TRRAP: variants seen among roughly 807,000 people sequenced by gnomAD.
TRRAP encodes transformation/transcription domain associated protein.
Under a neutral mutation model 438.8 loss-of-function variants are expected in TRRAP, and 41 were observed. The ratio of observed to expected loss-of-function variants is 0.09; its 90% CI spans 0.07 to 0.12. The LOEUF is 0.12. Ranked by LOEUF, TRRAP falls within the 10% of genes least tolerant of loss-of-function variation. The pLI, the probability that TRRAP is intolerant of heterozygous loss-of-function variation, is 1.00. For synonymous variants in TRRAP, 1,994 were observed against 1,962.9 expected (o/e 1.02, Z -0.42); for missense variants, 3,122 against 5,055.1 (o/e 0.62, Z 11.60).
chr7:98,981,687 A>G lies in TRRAP; in HGVS notation c.8635-82A>G, dbSNP rs919908832. ...GCCTTGCATACCTAGTGACCAAAAA[A>G]AGTGATCTTTTTCCTGTTTGACACT... On this transcript the variant is annotated intron_variant, in intron 58 of 72. Coordinates refer to ENST00000456197, the MANE Select transcript of TRRAP (RefSeq NM_001375524.1). The G allele has an allele frequency of 9.0e-6, 13 of 1,449,120 alleles. No homozygotes were observed. The African/African-American group carries it at 1.8e-4, about 20-fold the overall frequency. The allele number at this position is 1,449,120 out of a possible 1,614,324, so 89.8% of individuals were successfully genotyped here.
At chr7:98,911,879 AT>A (rs1789294092) in intron 17 of TRRAP, 142 bp from the exon 18 acceptor site, 3 of 704,784 alleles carry the variant, frequency 4.3e-6, no homozygotes, top group South Asian at 4.1e-5. Flanking sequence ...AACCCGTTTC[AT>A]TTTTTTCCTT....
intron 51 of TRRAP, 111 bp from the exon 52 acceptor site, chr7:98,970,001 G>T: frequency 7.6e-7 from 1 of 1,315,340 alleles, no homozygotes; most frequent in Non-Finnish European, 1.1e-6. Context: ...GCTCATACTT[G>T]GACCTGCAGA....
chr7:98,922,198 A>T (rs1179191477), intron 21 of TRRAP, among the ~76,000 whole-genome samples: 1 of 152,058 alleles, frequency 6.6e-6, no homozygotes, highest in Non-Finnish European at 1.5e-5. Context: ...ATGCCAGCCC[A>T]TCCCGCCGTG....
intron 20 of TRRAP, among the ~76,000 whole-genome samples, chr7:98,918,932 CT>C (rs1258459058): frequency 2.2e-4 from 33 of 150,728 alleles, no homozygotes; most frequent in Non-Finnish European, 4.3e-4. Flanking sequence ...AGCAAGCCCC[CT>C]GTAATCCCAG....
In TRRAP at chr7:98,956,583, G is replaced by A; in HGVS notation, c.6231+50G>A. 6.3e-7 allele frequency: 1 copy of A among 1,585,166 alleles called. No homozygotes were observed. Among genetic ancestry groups the A allele is most frequent in the Non-Finnish European group, 8.6e-7 (1 of 1,168,576 alleles). ...GTGCTGCGCATTCTGCTGGGAGTTG[G>A]TTCGTTTATTCCCTATATTTAGAAT... On this transcript the variant is annotated intron_variant, in intron 43 of 72. Coordinates refer to ENST00000456197, the MANE Select transcript of TRRAP (RefSeq NM_001375524.1). This position sits in a 1 kb window ranked among gnomAD's most constrained non-coding sequence, Gnocchi z 4.5.
chr7:98,948,159 G>GTCAC lies in TRRAP; in HGVS notation c.4549-61_4549-60insCACT. On this transcript the variant is annotated intron_variant, in intron 33 of 72. Transcript: ENST00000456197. This position sits in a 1 kb window ranked among gnomAD's most constrained non-coding sequence, Gnocchi z 4.9. The stretch of plus-strand genomic sequence containing the variant: ...AGACTATAGTAGGGTCTGTAGTGAC[G>GTCAC]TTGACCTCTGTCACTTGCAAAATTA... 1.2e-6 allele frequency: 2 copies of GTCAC among 1,605,712 alleles called. No individual in the cohort carries two copies. Among genetic ancestry groups the GTCAC allele is most frequent in the Admixed American group, 1.7e-5 (1 of 59,978 alleles).
At chr7:98,902,227 T>C (rs73155612) in intron 11 of TRRAP, among the ~76,000 whole-genome samples, 4,166 of 152,342 alleles carry the variant, frequency 0.027, 83 homozygotes, top group South Asian at 0.054. Flanking sequence ...TCAGTAAAAC[T>C]GATGAAGAAG....
chr7:98,911,032 G>A, intron 16 of TRRAP, 45 bp from the exon 17 acceptor site: 1 of 1,555,788 alleles, frequency 6.4e-7, no homozygotes, highest in Non-Finnish European at 8.8e-7. Flanking sequence ...TATTCAGAGA[G>A]GTTCAGTTTT....
At chr7:98,905,980 G>T (rs1432297408) in intron 12 of TRRAP, among the ~76,000 whole-genome samples, 197 bp from the exon 13 acceptor site, 3 of 152,202 alleles carry the variant, frequency 2.0e-5, no homozygotes, top group Admixed American at 6.5e-5. Context: ...TTGACAGCAG[G>T]TGGCTGGTGT....
intron 45 of TRRAP, 125 bp from the exon 46 acceptor site, chr7:98,961,136 T>A (rs1791873726): frequency 1.3e-6 from 1 of 793,414 alleles, no homozygotes; most frequent in Non-Finnish European, 2.1e-6. Context: ...CATTCTCTAG[T>A]GGTTTTTTTT....
intron 9 of TRRAP, 30 bp from the exon 10 acceptor site, chr7:98,899,649 T>C (rs1554406323): frequency 5.6e-6 from 9 of 1,612,982 alleles, no homozygotes; most frequent in Middle Eastern, 1.7e-4. Flanking sequence ...AGAGTGTCAA[T>C]GTATGAAAAT....
intron 15 of TRRAP, 27 bp downstream of exon 15, chr7:98,910,446 CA>C: frequency 6.2e-7 from 1 of 1,612,268 alleles, no homozygotes; most frequent in African/African-American, 1.3e-5. Context: ...GTTATGTAGA[CA>C]AACAATAGTT....
At chr7:98,919,314 G>T (rs1395514829) in intron 20 of TRRAP, among the ~76,000 whole-genome samples, 1 of 151,774 alleles carries the variant, frequency 6.6e-6, no homozygotes, top group African/African-American at 2.4e-5. Context: ...AGAAGATGGC[G>T]TAGGGGCCAG....
Position 98,970,166 on chromosome 7 carries a change from G to A in TRRAP, c.7567G>A (p.Ala2523Thr). The A allele has an allele frequency of 1.9e-6, 3 of 1,613,960 alleles. No homozygotes were observed. The highest frequency in any genetic ancestry group is 2.5e-6 in the Non-Finnish European group (3 of 1,180,030). Residue 2523 changes from alanine (A) to threonine (T), a missense_variant, in exon 52 of 73, where the codon GCC (alanine) becomes ACC (threonine). Ala to Thr is a moderately conservative substitution (Grantham distance 58, BLOSUM62 0). Coordinates refer to ENST00000456197, the MANE Select transcript of TRRAP (RefSeq NM_001375524.1). ...CCCCATTGGCACCAGCTGCCAAGGA[G>A]CCATGCTCCCGTCCATCACCAACGT... is the stretch of plus-strand genomic sequence containing the variant. ...STPIGTSCQG[A>T]MLPSITNVIN...
At chr7:98,950,397 C>A in intron 38 of TRRAP, 135 bp downstream of exon 38, 2 of 1,076,314 alleles carry the variant, frequency 1.9e-6, no homozygotes, top group Admixed American at 2.7e-5. Flanking sequence ...TGGCATGTGC[C>A]TGTAATCCCA....
intron 65 of TRRAP, 138 bp from the exon 66 acceptor site, chr7:98,993,400 T>C: frequency 1.1e-6 from 1 of 914,636 alleles, no homozygotes; most frequent in Non-Finnish European, 1.6e-6. Context: ...TCCCACGCAG[T>C]CCTTGGGGAA....
In TRRAP at chr7:98,938,566, T is replaced by C. The variant is rs112403259; in HGVS notation, c.4404+746T>C. Among the ~76,000 whole-genome samples the C allele has an allele frequency of 5.3e-5, 8 of 151,906 alleles. 1 individual carries two copies. The highest frequency in any genetic ancestry group is 1.9e-4 in the African/African-American group (8 of 41,486). ...CCTATAAAAGGGGGTACAATATATA[T>C]ATACACAGTCCTTGCTTTTCCCATT... On this transcript the variant is annotated intron_variant, in intron 30 of 72. Coordinates refer to ENST00000456197, the MANE Select transcript of TRRAP (RefSeq NM_001375524.1).
chr7:98,957,815 G>A (rs1057055597), intron 43 of TRRAP, among the ~76,000 whole-genome samples, 166 bp from the exon 44 acceptor site: 1 of 152,102 alleles, frequency 6.6e-6, no homozygotes, highest in East Asian at 1.9e-4. Flanking sequence ...TGGCTGTGTC[G>A]ACTTCACCAG....
chr7:98,886,328 A>G (rs187786320), intron 3 of TRRAP, among the ~76,000 whole-genome samples: 3 of 150,550 alleles, frequency 2.0e-5, no homozygotes, highest in Non-Finnish European at 4.4e-5. Context: ...ATAGATAGAG[A>G]TAGATATAGA....
Sources: allele counts gnomAD v4.1 joint callset (sites outside exome capture counted in the v4.1 genomes callset), GRCh38; gene constraint gnomAD v4.1.1; non-coding constraint Gnocchi (gnomAD v3.1); transcripts MANE v1.5; gene names NCBI Gene and HGNC (gene_info 2026-07-23, HGNC 2026-07-21).